SEMA6A: variants seen among roughly 807,000 people sequenced by gnomAD.
The protein encoded by SEMA6A is semaphorin 6A, also known as semaphorin-6A.
SEMA6A carries 25 observed loss-of-function variants against 96.8 expected under a neutral mutation model. The observed-to-expected ratio is 0.26, with a 90% confidence interval of 0.19 to 0.36. The LOEUF (loss-of-function observed/expected upper bound fraction) is 0.36. Among genes scored for constraint, SEMA6A ranks in the 10% least tolerant of loss-of-function variants. The probability of loss-of-function intolerance (pLI) is 1.00; values close to 1 mark genes in which losing one functional copy is unlikely to be tolerated. For synonymous variants in SEMA6A, 612 were observed against 518.0 expected, an observed-to-expected ratio of 1.18 and a Z score of -2.46; for missense variants, 1,363 against 1,323.1, an observed-to-expected ratio of 1.03 and a Z score of -0.47.
chr5:116,527,524 A>T (rs1034511851), intron 1 of SEMA6A, among the ~76,000 whole-genome samples: 1 of 152,214 alleles, frequency 6.6e-6, no homozygotes, highest in Admixed American at 6.5e-5. Context: ...TGAAAAGTTG[A>T]AAGTATAAGG....
At chr5:116,493,842 C>T (rs1757448805) in intron 6 of SEMA6A, among the ~76,000 whole-genome samples, 1 of 152,186 alleles carries the variant, frequency 6.6e-6, no homozygotes, top group South Asian at 2.1e-4. Flanking sequence ...CCAAAGCTTA[C>T]TGATCCATCT....
chr5:116,475,931 G>A (rs566398923), intron 15 of SEMA6A, among the ~76,000 whole-genome samples: 46 of 152,074 alleles, frequency 3.0e-4, no homozygotes, highest in African/African-American at 1.1e-3. Flanking sequence ...TAAAATACAC[G>A]CCTCATAGAA....
intron 6 of SEMA6A, among the ~76,000 whole-genome samples, chr5:116,494,122 A>G (rs777616338): frequency 1.3e-5 from 2 of 151,930 alleles, no homozygotes; most frequent in African/African-American, 2.4e-5. Context: ...GGTTTTATCT[A>G]TTCTCTTCCC....
chr5:116,462,018 C>G (rs1243848693), intron 18 of SEMA6A, among the ~76,000 whole-genome samples: 1 of 152,082 alleles, frequency 6.6e-6, no homozygotes, highest in African/African-American at 2.4e-5. Context: ...GAGGAGAGGC[C>G]TATTTTTCTT....
intron 1 of SEMA6A, among the ~76,000 whole-genome samples, chr5:116,515,371 A>G (rs577626898): frequency 2.6e-5 from 4 of 152,338 alleles, no homozygotes; most frequent in South Asian, 2.1e-4. Flanking sequence ...GCTCTGAAGT[A>G]TAAGCTCAGA....
chr5:116,456,272 C>G (rs1755007100), intron 18 of SEMA6A, among the ~76,000 whole-genome samples: 1 of 152,220 alleles, frequency 6.6e-6, no homozygotes, highest in Non-Finnish European at 1.5e-5. Flanking sequence ...GTTTCAGCCT[C>G]AGAATCTCTG....
At chr5:116,485,932 C>T (rs1201639134) in intron 10 of SEMA6A, among the ~76,000 whole-genome samples, 1 of 152,220 alleles carries the variant, frequency 6.6e-6, no homozygotes, top group East Asian at 1.9e-4. Flanking sequence ...TATCTTCCTT[C>T]TGTTCTATAC....
chr5:116,459,838 G>A (rs79764633), intron 18 of SEMA6A, among the ~76,000 whole-genome samples: 1,663 of 152,186 alleles, frequency 0.011, 31 homozygotes, highest in African/African-American at 0.038. Context: ...TGAATATCAG[G>A]TTTATGTGAA....
chr5:116,477,790 A>G, intron 15 of SEMA6A, 56 bp downstream of exon 15: 1 of 1,550,118 alleles, frequency 6.5e-7, no homozygotes. Context: ...TCTTACATCT[A>G]GAATACACCT....
Position 116,444,700 on chromosome 5 carries a change from A to G in SEMA6A, c.*1913T>C, listed in dbSNP as rs1377446579. ...AATAAAAAATCCTTTGCCCCAGTCA[A>G]CGTTTTTGCAGCATCCATTGTGGTC... On this transcript the variant is annotated 3_prime_UTR_variant, in exon 19 of 19. Coordinates refer to ENST00000343348, the MANE Select transcript of SEMA6A (RefSeq NM_020796.5). The G allele has an allele frequency of 1.3e-5, 2 of 152,360 alleles. No individual in the cohort carries two copies. Among genetic ancestry groups the G allele is most frequent in the African/African-American group, 2.4e-5 (1 of 41,454 alleles). The allele number at this position is 152,360 out of a possible 1,614,324, so 9.4% of individuals were successfully genotyped here.
chr5:116,486,671 G>T, intron 10 of SEMA6A, 78 bp downstream of exon 10: 2 of 1,167,200 alleles, frequency 1.7e-6, no homozygotes, highest in Non-Finnish European at 2.5e-6. Flanking sequence ...TTGCAAATAT[G>T]GTTTATTAGA....
chr5:116,565,397 A>G (rs1294903648), intron 1 of SEMA6A, among the ~76,000 whole-genome samples: 1 of 152,214 alleles, frequency 6.6e-6, no homozygotes, highest in Non-Finnish European at 1.5e-5. Context: ...ATGGCAACCG[A>G]ATAAGAAAGC....
intron 1 of SEMA6A, among the ~76,000 whole-genome samples, chr5:116,523,287 T>C (rs1759047095): frequency 6.6e-6 from 1 of 152,012 alleles, no homozygotes; most frequent in Non-Finnish European, 1.5e-5. Context: ...TCTCTTGGGG[T>C]TTAAGGTCTT....
chr5:116,569,395 A>G (rs1463919948), intron 1 of SEMA6A, among the ~76,000 whole-genome samples: 1 of 152,152 alleles, frequency 6.6e-6, no homozygotes, highest in Non-Finnish European at 1.5e-5. Context: ...TGGAGGTCAG[A>G]GAGGTTGGAA....
chr5:116,446,563 G>T lies in SEMA6A; in HGVS notation c.*50C>A. ...GTTGAGAACCTTGCTGAGCTGAGCG[G>T]GCACCTCGCCTTGCCTGCTGGTTCG... On this transcript the variant is annotated 3_prime_UTR_variant, in exon 19 of 19. Transcript: ENST00000343348. The T allele has an allele frequency of 7.0e-7, 1 of 1,422,184 alleles. No individual in the cohort carries two copies. 88.1% of individuals were successfully genotyped at this position (1,422,184 alleles called of 1,614,324 possible). A position where few individuals can be genotyped will look rare whatever the true frequency, so the allele number is the denominator to read the frequency against.
In SEMA6A at chr5:116,496,047, G is replaced by A. The variant is rs1757584445; in HGVS notation, c.342+204C>T. The A allele has an allele frequency of 7.8e-6, 4 of 512,240 alleles. No homozygotes were observed. In the South Asian group the frequency reaches 8.3e-5, roughly 11 times the overall value. 31.7% of individuals were successfully genotyped at this position (512,240 alleles called of 1,614,324 possible). A position where few individuals can be genotyped will look rare whatever the true frequency, so the allele number is the denominator to read the frequency against. On this transcript the variant is annotated intron_variant, in intron 5 of 18. Coordinates refer to ENST00000343348, the MANE Select transcript of SEMA6A (RefSeq NM_020796.5). ...GTGCGCCTAAGTAGTTCATGATGCA[G>A]GCCTAGCAGCTGTTGTAATGTTTCA...
At position 116,478,548 on chromosome 5, in the gene SEMA6A, G is replaced by T. The variant is rs1280176273; in HGVS notation, c.1421C>A (p.Ser474Tyr). 1.2e-6 allele frequency: 2 copies of T among 1,607,946 alleles called. No individual in the cohort carries two copies. Among genetic ancestry groups the T allele is most frequent in the Non-Finnish European group, 1.7e-6 (2 of 1,177,466 alleles). The change falls in exon 13 of 19, where the codon TCT becomes TAT. Residue 474 changes from serine to tyrosine, a missense_variant. By Grantham distance (144) the Ser-to-Tyr change is moderately radical. This residue lies in a region of SEMA6A where 883 missense variants were observed against 763.6 expected (regional missense o/e 1.16). Transcript: ENST00000343348. ...LFLEEMSVYNSEKCSYDGVED... is the reference protein window; with the variant it reads ...LFLEEMSVYNYEKCSYDGVED... Reference sequence around the variant, plus strand: ...AACCAAATATTCCACTTACTTTTCAGAGTTGTAAACACTCATCTCCTCCAG... The same window carrying T: ...AACCAAATATTCCACTTACTTTTCATAGTTGTAAACACTCATCTCCTCCAG...
chr5:116,557,668 T>C (rs254075), intron 1 of SEMA6A, among the ~76,000 whole-genome samples: 101,038 of 151,614 alleles, frequency 0.67, 35,672 homozygotes, highest in East Asian at 0.87. Context: ...AATTCAGTCA[T>C]TGGTGTGTGT....
rs749462030 is a variant in SEMA6A at position 116,447,264 on chromosome 5, G to T, written c.2442C>A (p.Ser814Arg). The T allele has an allele frequency of 6.2e-7, 1 of 1,613,924 alleles. No homozygotes were observed. The highest frequency in any genetic ancestry group is 1.1e-5 in the South Asian group (1 of 91,088). Residue 814 changes from serine to arginine, a missense_variant, in exon 19 of 19, where the codon AGC becomes AGA. Around this residue, in one of 2 missense-constraint regions of SEMA6A, gnomAD observed 883 missense variants for 763.6 expected, o/e 1.16. Coordinates refer to ENST00000343348, the MANE Select transcript of SEMA6A (RefSeq NM_020796.5). ...GCTGCGTGATGGGCAGGACCACCAC[G>T]CTGGGGATGTGGCTGGGGGAGGCCC... The part of the protein sequence containing the change: ...PLRASPSHIP[S>R]VVVLPITQQG...
Sources: gnomAD v4.1 joint callset for allele counts (sites outside exome capture counted in the v4.1 genomes callset) on GRCh38, gnomAD v4.1.1 for gene constraint, gnomAD v4.1.1 regional missense constraint, MANE v1.5 for transcripts, NCBI Gene and HGNC (gene_info 2026-07-23, HGNC 2026-07-21) for gene names.